Variants in KIAA0232 observed in about 807,000 individuals in gnomAD.
KIAA0232 encodes uncharacterized protein KIAA0232.
KIAA0232 carries 27 observed loss-of-function variants against 122.0 expected under a neutral mutation model. The ratio of observed to expected loss-of-function variants is 0.22; its 90% confidence interval spans 0.16 to 0.31. The LOEUF (loss-of-function observed/expected upper bound fraction) is 0.31, where lower values mean the gene tolerates loss of function less well. KIAA0232 is among the 10% of genes least tolerant of loss of function. The pLI, the probability that KIAA0232 is intolerant of heterozygous loss-of-function variation, is 1.00. For synonymous variants in KIAA0232, 613 were observed against 587.6 expected, an observed-to-expected ratio of 1.04 and a Z score of -0.63; for missense variants, 1,551 against 1,634.2, an observed-to-expected ratio of 0.95 and a Z score of 0.88.
At chr4:6,807,919 T>C (rs1283417305) in intron 2 of KIAA0232, among the ~76,000 whole-genome samples, 2 of 152,034 alleles carry the variant, frequency 1.3e-5, no homozygotes, top group African/African-American at 4.8e-5. Context: ...AATACAAAAA[T>C]TAGCTAGGTG....
intron 2 of KIAA0232, among the ~76,000 whole-genome samples, chr4:6,822,636 A>G (rs1454878298): frequency 1.3e-5 from 2 of 152,174 alleles, no homozygotes; most frequent in Non-Finnish European, 2.9e-5. Flanking sequence ...TTATGATTTA[A>G]TAAAGCCATT....
intron 4 of KIAA0232, among the ~76,000 whole-genome samples, chr4:6,845,284 G>A (rs192452877): frequency 2.6e-5 from 4 of 152,328 alleles, no homozygotes; most frequent in Admixed American, 6.5e-5. Flanking sequence ...TTCAGCAGGG[G>A]CTGTGAGTGA....
chr4:6,874,348 G>T (rs188505280), intron 8 of KIAA0232, among the ~76,000 whole-genome samples: 3 of 152,322 alleles, frequency 2.0e-5, no homozygotes, highest in African/African-American at 7.2e-5. Context: ...GGCAGCAGTG[G>T]CTTGTGCAGG....
Position 6,864,184 on chromosome 4 carries a change from G to C in KIAA0232, c.3801+1G>C, listed in dbSNP as rs1721045079. On this transcript the variant is annotated splice_donor_variant, in intron 7 of 9. Transcript: ENST00000307659. LOFTEE classifies it high-confidence loss of function. ...AGTTTCTTCGGGACAGCTGGAAGAG[G>C]TATGTGTCTGCGTGTTGGTATTTGA... The C allele has an allele frequency of 6.2e-7, 1 of 1,604,934 alleles. No individual in the cohort carries two copies. The highest frequency in any genetic ancestry group is 1.7e-5 in the Admixed American group (1 of 59,184).
chr4:6,857,312 CAGAAA>C, intron 5 of KIAA0232, 82 bp downstream of exon 5: 2 of 1,252,840 alleles, frequency 1.6e-6, no homozygotes, highest in Non-Finnish European at 2.2e-6. Context: ...TAGAATTGAT[CAGAAA>C]AGAAAACAAC....
chr4:6,842,585 AT>A lies in KIAA0232; in HGVS notation c.369+399del, dbSNP rs758473629. ...TTACTGGATGTTTACCTTGCTCTTGATTTTTTTTTTTTTTTTTTAAGACAGT... is the reference window on the plus strand; with the variant it reads ...TTACTGGATGTTTACCTTGCTCTTGATTTTTTTTTTTTTTTTTAAGACAGT... On this transcript the variant is annotated intron_variant, in intron 4 of 9. Transcript: ENST00000307659. Among the ~76,000 whole-genome samples, 908 of 133,234 alleles carry A rather than the reference AT, an allele frequency of 6.8e-3. 1 individual carries two copies. Among genetic ancestry groups the A allele is most frequent in the African/African-American group, 9.8e-3 (357 of 36,288 alleles). The allele number at this position is 133,234 out of a possible 152,430, so 87.4% of individuals were successfully genotyped here.
chr4:6,844,338 A>T (rs932725834), intron 4 of KIAA0232, among the ~76,000 whole-genome samples: 14 of 152,118 alleles, frequency 9.2e-5, no homozygotes, highest in African/African-American at 2.4e-4. Context: ...ATTCATTTTT[A>T]AAAAAGCCTA....
At chr4:6,832,916 C>T (rs1244419798) in intron 3 of KIAA0232, among the ~76,000 whole-genome samples, 8 of 152,170 alleles carry the variant, frequency 5.3e-5, no homozygotes, top group Non-Finnish European at 1.2e-4. Flanking sequence ...CAGAGTCCAT[C>T]CTTCTAGAAA....
In KIAA0232 at chr4:6,861,668, A is replaced by T; in HGVS notation, c.1286A>T (p.Asp429Val). ...GAGACCACATACCGAAACAGACAGG[A>T]TACAAGTGATCTGACATCAGAGGCA... Reference protein sequence around the residue: ...KLETTYRNRQDTSDLTSEAVE... With the variant: ...KLETTYRNRQVTSDLTSEAVE... The change falls in exon 7 of 10, where the codon GAT becomes GTT. Residue 429 changes from aspartate (D) to valine (V), a missense_variant. This residue lies in a region of KIAA0232 where 1,108 missense variants were observed against 1,154.8 expected (regional missense o/e 0.96). Transcript: ENST00000307659. 1 of 1,614,148 alleles carries T rather than the reference A, an allele frequency of 6.2e-7. No individual in the cohort carries two copies. The highest frequency in any genetic ancestry group is 1.3e-5 in the African/African-American group (1 of 75,060).
intron 3 of KIAA0232, among the ~76,000 whole-genome samples, chr4:6,836,546 C>CTTTTTTTTTTTTT (rs1173281370): frequency 1.2e-5 from 1 of 82,082 alleles, no homozygotes; most frequent in East Asian, 3.1e-4. Flanking sequence ...TTTTTCTTTT[C>CTTTTTTTTTTTTT]TTTTTTTTTT....
chr4:6,810,676 T>C (rs1156980711), intron 2 of KIAA0232, among the ~76,000 whole-genome samples: 6 of 152,192 alleles, frequency 3.9e-5, no homozygotes, highest in Admixed American at 3.9e-4. Context: ...TTGCAAACTA[T>C]TTATCTGATA....
chr4:6,852,173 A>C (rs964231209), intron 4 of KIAA0232, among the ~76,000 whole-genome samples: 4 of 152,096 alleles, frequency 2.6e-5, no homozygotes, highest in African/African-American at 9.7e-5. Flanking sequence ...AGAGCTGGAG[A>C]CAGGCCAATT....
chr4:6,860,948 A>C lies in KIAA0232; in HGVS notation c.566A>C (p.Gln189Pro). ...CTTTCTGAGAAACCAGTTTGCCTGC[A>C]AGAAATCATGACTGTGTGGAACAAG... Reference protein sequence around the residue: ...PPLSEKPVCLQEIMTVWNKSK... With the variant: ...PPLSEKPVCLPEIMTVWNKSK... Residue 189 changes from glutamine to proline, a missense_variant, in exon 7 of 10, where the codon CAA (glutamine) becomes CCA (proline). Around this residue, in one of 5 missense-constraint regions of KIAA0232, gnomAD observed 377 missense variants for 381.7 expected, o/e 0.99. Transcript: ENST00000307659. 6.2e-7 allele frequency: 1 copy of C among 1,614,076 alleles called. No homozygotes were observed. The highest frequency in any genetic ancestry group is 8.5e-7 in the Non-Finnish European group (1 of 1,179,968).
chr4:6,839,914 C>T (rs1248113095), intron 3 of KIAA0232, among the ~76,000 whole-genome samples: 3 of 151,998 alleles, frequency 2.0e-5, no homozygotes, highest in Non-Finnish European at 2.9e-5. Context: ...TTGATTGGAG[C>T]GGCTCATTTT....
chr4:6,870,689 C>T (rs1175162079), intron 7 of KIAA0232, among the ~76,000 whole-genome samples: 1 of 151,958 alleles, frequency 6.6e-6, no homozygotes, highest in African/African-American at 2.4e-5. Context: ...GTAGTCCCAG[C>T]TACTCAGGAA....
At chr4:6,794,620 C>T (rs1050451904) in intron 1 of KIAA0232, among the ~76,000 whole-genome samples, 1 of 152,108 alleles carries the variant, frequency 6.6e-6, no homozygotes, top group African/African-American at 2.4e-5. Flanking sequence ...GAGCAGAGAC[C>T]TGAAGAGGAA....
In KIAA0232 at chr4:6,880,649, A is replaced by G. The variant is rs1185476555; in HGVS notation, c.4009-138A>G. The G allele has an allele frequency of 8.9e-6, 5 of 562,038 alleles. No homozygotes were observed. In the South Asian group the frequency reaches 2.1e-4, roughly 24 times the overall value. The allele number at this position is 562,038 out of a possible 1,614,324, so 34.8% of individuals were successfully genotyped here. On this transcript the variant is annotated intron_variant, in intron 9 of 9. Coordinates refer to ENST00000307659, the MANE Select transcript of KIAA0232 (RefSeq NM_014743.3). ...AAGAGAGGCGGTTTTGCTCTGAAAC[A>G]GTAAAACTCTGCATGTTTGTAACTC...
At position 6,876,586 on chromosome 4, in the gene KIAA0232, G is replaced by A. The variant is rs905597306; in HGVS notation, c.3911-74G>A. The A allele has an allele frequency of 1.1e-5, 11 of 1,010,896 alleles. No homozygotes were observed. In the African/African-American group the frequency reaches 1.1e-4, roughly 10 times the overall value. 62.6% of individuals were successfully genotyped at this position (1,010,896 alleles called of 1,614,324 possible). A position where few individuals can be genotyped will look rare whatever the true frequency, so the allele number is the denominator to read the frequency against. ...TTTTAGTGAAAAATGAAACAAGAAT[G>A]TATGTTTCATAACTGTGTCTTAATG... On this transcript the variant is annotated intron_variant, in intron 8 of 9. Coordinates refer to ENST00000307659, the MANE Select transcript of KIAA0232 (RefSeq NM_014743.3).
Position 6,790,392 on chromosome 4 carries a change from C to CTT in KIAA0232, c.-354+7570_-354+7571dup, listed in dbSNP as rs10532360. Among the ~76,000 whole-genome samples the CTT allele has an allele frequency of 1.8e-3, 196 of 109,380 alleles. 2 individuals carry two copies. The highest frequency in any genetic ancestry group is 2.2e-3 in the Non-Finnish European group (116 of 51,768). 71.8% of individuals were successfully genotyped at this position (109,380 alleles called of 152,430 possible). A position where few individuals can be genotyped will look rare whatever the true frequency, so the allele number is the denominator to read the frequency against. On this transcript the variant is annotated intron_variant, in intron 1 of 9. Coordinates refer to ENST00000307659, the MANE Select transcript of KIAA0232 (RefSeq NM_014743.3). Reference sequence around the variant, plus strand: ...TTTTTTTTTTTTAATTAAAAAAGGTCTTTTTTTTTTTTTTTTTTTTGAGGC... The same window carrying CTT: ...TTTTTTTTTTTTAATTAAAAAAGGTCTTTTTTTTTTTTTTTTTTTTTTGAGGC...
Sources: allele counts gnomAD v4.1 joint callset (sites outside exome capture counted in the v4.1 genomes callset), GRCh38; gene constraint gnomAD v4.1.1; regional missense constraint gnomAD v4.1.1; transcripts MANE v1.5; gene names NCBI Gene and HGNC (gene_info 2026-07-23, HGNC 2026-07-21).